Variants in CATSPERE observed in about 807,000 individuals in gnomAD.
CATSPERE encodes cation channel sperm-associated auxiliary subunit epsilon.
Under a neutral mutation model 114.1 loss-of-function variants are expected in CATSPERE, and 93 were observed. The observed-to-expected ratio is 0.81, with a 90% confidence interval of 0.69 to 0.97. The LOEUF (loss-of-function observed/expected upper bound fraction) is 0.97. Ranked by LOEUF, CATSPERE falls within the 50% of genes least tolerant of loss-of-function variation. CATSPERE has a pLI of 0.00. For synonymous variants in CATSPERE, 341 were observed against 384.1 expected (o/e 0.89, Z 1.31); for missense variants, 1,058 against 1,131.6 (o/e 0.93, Z 0.93).
At chr1:244,591,591 T>C in intron 14 of CATSPERE, 90 bp from the exon 15 acceptor site, 1 of 709,778 alleles carries the variant, frequency 1.4e-6, no homozygotes, top group Middle Eastern at 3.8e-4. Context: ...GACACTCTCC[T>C]GTTTGAGAAT....
intron 10 of CATSPERE, among the ~76,000 whole-genome samples, chr1:244,564,150 T>A (rs916776394): frequency 1.3e-5 from 2 of 152,220 alleles, no homozygotes; most frequent in Non-Finnish European, 2.9e-5. Flanking sequence ...TTTTGGTTAC[T>A]GTAGCCTTGT....
At chr1:244,519,503 T>C (rs1247329106) in intron 8 of CATSPERE, among the ~76,000 whole-genome samples, 1 of 152,194 alleles carries the variant, frequency 6.6e-6, no homozygotes, top group South Asian at 2.1e-4. Flanking sequence ...CGTGTCTGCG[T>C]GGGTTTCCTC....
At chr1:244,612,562 G>A (rs1387631059) in intron 19 of CATSPERE, among the ~76,000 whole-genome samples, 2 of 152,160 alleles carry the variant, frequency 1.3e-5, no homozygotes, top group African/African-American at 4.8e-5. Context: ...ACATCCACAC[G>A]ATACAGAATC....
intron 2 of CATSPERE, 109 bp downstream of exon 2, chr1:244,464,065 G>GT: frequency 1.2e-6 from 1 of 813,536 alleles, no homozygotes; most frequent in South Asian, 1.6e-5. Flanking sequence ...TCACTCTTCT[G>GT]TTTCGTTTCT....
At chr1:244,564,346 T>C (rs1663077019) in intron 10 of CATSPERE, among the ~76,000 whole-genome samples, 4 of 152,198 alleles carry the variant, frequency 2.6e-5, no homozygotes, top group Admixed American at 2.0e-4. Context: ...TTGGGCAGTA[T>C]GGCCATTTTC....
chr1:244,586,206 C>T (rs1667002882), intron 13 of CATSPERE, among the ~76,000 whole-genome samples: 1 of 152,158 alleles, frequency 6.6e-6, no homozygotes, highest in African/African-American at 2.4e-5. Context: ...ATTTGTGCTC[C>T]CCACACTATA....
intron 8 of CATSPERE, among the ~76,000 whole-genome samples, chr1:244,549,419 G>GTCTA (rs1021984566): frequency 9.5e-3 from 19 of 2,004 alleles, no homozygotes; most frequent in Non-Finnish European, 0.028. Flanking sequence ...TTGTGTGTAT[G>GTCTA]TCTATATATA....
At chr1:244,597,534 C>CTT (rs34454607) in intron 17 of CATSPERE, among the ~76,000 whole-genome samples, 78,270 of 128,204 alleles carry the variant, frequency 0.61, 25,350 homozygotes, top group Middle Eastern at 0.78. Flanking sequence ...TCCCTGATTT[C>CTT]TTTTTTTTTT....
At chr1:244,621,093 A>AG (rs1365745690) in intron 20 of CATSPERE, among the ~76,000 whole-genome samples, 4 of 69,488 alleles carry the variant, frequency 5.8e-5, no homozygotes, top group African/African-American at 1.1e-4. Flanking sequence ...AAATATATAT[A>AG]AAATATATAT....
upstream of CATSPERE, chr1:244,457,691 T>C (rs1367407006): frequency 1.3e-5 from 2 of 152,230 alleles, no homozygotes; most frequent in Non-Finnish European, 2.9e-5. Context: ...TCCAGTGTTT[T>C]AAACCTTTGA....
chr1:244,452,218 C>T (rs1665662906), upstream of CATSPERE: 1 of 160,776 alleles, frequency 6.2e-6, no homozygotes, highest in African/African-American at 2.4e-5. Context: ...CTCTACCTCT[C>T]GCTTTCAAAC....
chr1:244,522,916 A>T (rs894641556), intron 8 of CATSPERE, among the ~76,000 whole-genome samples: 1 of 152,106 alleles, frequency 6.6e-6, no homozygotes, highest in African/African-American at 2.4e-5. Flanking sequence ...ACAAGGAGGA[A>T]CTGGTACCAT....
At chr1:244,474,467 A>G (rs1194752333) in intron 2 of CATSPERE, among the ~76,000 whole-genome samples, 1 of 151,614 alleles carries the variant, frequency 6.6e-6, no homozygotes, top group African/African-American at 2.4e-5. Context: ...TTCATGTATT[A>G]TTCTTTAATT....
chr1:244,503,098 T>A (rs1260333794), intron 7 of CATSPERE, among the ~76,000 whole-genome samples: 1 of 152,164 alleles, frequency 6.6e-6, no homozygotes, highest in Non-Finnish European at 1.5e-5. Flanking sequence ...AGGTTATAAA[T>A]GTGTGAAGTG....
chr1:244,604,202 T>C (rs762931008), intron 17 of CATSPERE, among the ~76,000 whole-genome samples: 1 of 152,272 alleles, frequency 6.6e-6, no homozygotes, highest in Non-Finnish European at 1.5e-5. Context: ...TTTTGAATAC[T>C]CTGTGGCCTT....
At chr1:244,541,993 T>G (rs546543989) in intron 8 of CATSPERE, among the ~76,000 whole-genome samples, 3,103 of 120,680 alleles carry the variant, frequency 0.026, 131 homozygotes, top group African/African-American at 0.097. Context: ...AACGTCACAC[T>G]CTGGGGACTG....
At chr1:244,580,477 A>G (rs773680826) in intron 11 of CATSPERE, among the ~76,000 whole-genome samples, 1 of 152,094 alleles carries the variant, frequency 6.6e-6, no homozygotes, top group Non-Finnish European at 1.5e-5. Context: ...GATGCTAAGC[A>G]TCATAGCTAA....
At chr1:244,624,325 G>A (rs989923997) in intron 20 of CATSPERE, among the ~76,000 whole-genome samples, 1 of 151,920 alleles carries the variant, frequency 6.6e-6, no homozygotes, top group Non-Finnish European at 1.5e-5. Context: ...TTCCTTCCAT[G>A]AAAGATTTCA....
chr1:244,634,910 T>C (rs184195217), intron 20 of CATSPERE, among the ~76,000 whole-genome samples: 95 of 152,338 alleles, frequency 6.2e-4, no homozygotes, highest in African/African-American at 2.3e-3. Context: ...AGCGGCGCAA[T>C]CTCAGCTCAC....
Sources: allele counts gnomAD v4.1 joint callset (sites outside exome capture counted in the v4.1 genomes callset), GRCh38; gene constraint gnomAD v4.1.1; transcripts MANE v1.5; gene names NCBI Gene and HGNC (gene_info 2026-07-23, HGNC 2026-07-21).